The following KCNQ1 variants were observed in gnomAD, a reference collection of about 807,000 sequenced individuals.
KCNQ1 encodes the protein potassium voltage-gated channel subfamily KQT member 1.
Under a neutral mutation model 72.4 loss-of-function variants are expected in KCNQ1, and 49 were observed. The observed-to-expected ratio is 0.68, with a 90% CI of 0.54 to 0.86. The LOEUF is 0.86. KCNQ1 is among the 40% of genes least tolerant of loss of function. The pLI is 0.00. For synonymous variants in KCNQ1, 450 were observed against 412.6 expected, an observed-to-expected ratio of 1.09 and a Z score of -1.10; for missense variants, 790 against 945.1, an observed-to-expected ratio of 0.84 and a Z score of 2.15.
intron 10 of KCNQ1, chr11:2,628,579 C>A (rs527344082): frequency 7.5e-6 from 3 of 398,214 alleles, no homozygotes; most frequent in African/African-American, 6.2e-5. Flanking sequence ...TATTTTCTCC[C>A]GCTACATGTG....
chr11:2,662,905 G>A (rs1038645053), intron 11 of KCNQ1: 7 of 398,566 alleles, frequency 1.8e-5, no homozygotes, highest in Admixed American at 4.4e-5. Flanking sequence ...CTCTCTGGGG[G>A]TCAGGAGGTT....
chr11:2,554,670 C>T (rs1279628463), intron 2 of KCNQ1, among the ~76,000 whole-genome samples: 1 of 152,178 alleles, frequency 6.6e-6, no homozygotes, highest in Non-Finnish European at 1.5e-5. Context: ...CAGCTTTGCT[C>T]CCCAGGGAGG....
rs969713298 is a variant in KCNQ1 at position 2,815,807 on chromosome 11, C to A, written c.1795-31960C>A. ...GCCCCCAGCCCTTCCTGCTGGCCTCCCCAGAGCTCCAGGCTCTGAGGCCAC... is the reference window on the plus strand; with the variant it reads ...GCCCCCAGCCCTTCCTGCTGGCCTCACCAGAGCTCCAGGCTCTGAGGCCAC... On this transcript the variant is annotated intron_variant, in intron 15 of 15. Coordinates refer to ENST00000155840, the MANE Select transcript of KCNQ1 (RefSeq NM_000218.3). The surrounding 1 kb of genome is among the most constrained non-coding windows in gnomAD (Gnocchi z 5.4). Among the ~76,000 whole-genome samples, 13 of 152,302 alleles carry A rather than the reference C, an allele frequency of 8.5e-5. No homozygotes were observed. The highest frequency in any genetic ancestry group is 2.9e-4 in the African/African-American group (12 of 41,562).
Position 2,683,185 on chromosome 11 carries a change from C to T in KCNQ1, c.1514+21104C>T, listed in dbSNP as rs929082742. ...GTATTAGCATCTGCATTAAAAGGCT[C>T]CCACTGACAGCTCATGCATTGTGAT... On this transcript the variant is annotated intron_variant, in intron 11 of 15. Transcript: ENST00000155840. The surrounding 1 kb of genome is among the most constrained non-coding windows in gnomAD (Gnocchi z 4.7). The T allele has an allele frequency of 5.0e-6, 2 of 398,534 alleles. No individual in the cohort carries two copies. Among genetic ancestry groups the T allele is most frequent in the Admixed American group, 4.4e-5 (1 of 22,722 alleles). 24.7% of individuals were successfully genotyped at this position (398,534 alleles called of 1,614,324 possible).
chr11:2,742,403 C>T (rs933370908), intron 11 of KCNQ1, among the ~76,000 whole-genome samples: 8 of 152,352 alleles, frequency 5.3e-5, no homozygotes, highest in Middle Eastern at 3.4e-3. Context: ...CTCATACTCA[C>T]GGCCACCTGG....
chr11:2,738,921 G>A (rs960529437), intron 11 of KCNQ1, among the ~76,000 whole-genome samples: 5 of 152,220 alleles, frequency 3.3e-5, no homozygotes, highest in Middle Eastern at 3.2e-3. Flanking sequence ...GCGGCCAGGT[G>A]GGTGAGCGAG....
chr11:2,797,728 G>A (rs1477966850), intron 15 of KCNQ1, among the ~76,000 whole-genome samples: 1 of 152,050 alleles, frequency 6.6e-6, no homozygotes, highest in East Asian at 1.9e-4. Context: ...TCAGGTGTGC[G>A]GGACCTTTTT....
chr11:2,489,909 A>G (rs1846806632), intron 1 of KCNQ1, among the ~76,000 whole-genome samples: 1 of 152,180 alleles, frequency 6.6e-6, no homozygotes, highest in Admixed American at 6.5e-5. Flanking sequence ...AGATTCTGAA[A>G]TATACTGGCT....
chr11:2,667,159 A>G (rs1850090207), intron 11 of KCNQ1: 1 of 398,554 alleles, frequency 2.5e-6, no homozygotes, highest in Non-Finnish European at 4.4e-6. Flanking sequence ...GATGCCCTCA[A>G]TCTGGCTTCC....
intron 10 of KCNQ1, chr11:2,638,312 C>G (rs568705797): frequency 6.6e-6 from 1 of 152,276 alleles, no homozygotes; most frequent in South Asian, 2.1e-4. Context: ...GTGGCTGGTA[C>G]CAATTGTTCC....
At chr11:2,847,655 G>A (rs939464793) in intron 15 of KCNQ1, 112 bp from the exon 16 acceptor site, 2 of 1,000,944 alleles carry the variant, frequency 2.0e-6, no homozygotes, top group East Asian at 2.6e-5. Context: ...GCATGCACTT[G>A]CAGAGACGGT....
chr11:2,715,535 G>C lies in KCNQ1; in HGVS notation c.1515-53309G>C, dbSNP rs1851078505. Among the ~76,000 whole-genome samples, 1 of 152,080 alleles carries C rather than the reference G, an allele frequency of 6.6e-6. No individual in the cohort carries two copies. The highest frequency in any genetic ancestry group is 6.5e-5 in the Admixed American group (1 of 15,276). On this transcript the variant is annotated intron_variant, in intron 11 of 15. Coordinates refer to ENST00000155840, the MANE Select transcript of KCNQ1 (RefSeq NM_000218.3). This position sits in a 1 kb window ranked among gnomAD's most constrained non-coding sequence, Gnocchi z 4.9. ...GCCAGGTAGACTTCGTTTCCAGCCGGAGTGTACCTGGGGATGCCTGTGCCC... is the reference window on the plus strand; with the variant it reads ...GCCAGGTAGACTTCGTTTCCAGCCGCAGTGTACCTGGGGATGCCTGTGCCC...
At chr11:2,514,223 G>C (rs746583021) in intron 1 of KCNQ1, among the ~76,000 whole-genome samples, 1 of 152,224 alleles carries the variant, frequency 6.6e-6, no homozygotes, top group African/African-American at 2.4e-5. Flanking sequence ...GCGCATTTCC[G>C]TGCAGGACAC....
rs895597298 is a variant in KCNQ1 at position 2,482,611 on chromosome 11, C to T, written c.386+37127C>T. ...CGGGAGTGTTTTCCTAATTTAGCTT[C>T]CTACTGTGCTGCTGGACATCACTGA... On this transcript the variant is annotated intron_variant, in intron 1 of 15. Transcript: ENST00000155840. The surrounding 1 kb of genome is among the most constrained non-coding windows in gnomAD (Gnocchi z 5.7). 3.3e-5 allele frequency among the ~76,000 whole-genome samples: 5 copies of T among 152,118 alleles called. No individual in the cohort carries two copies. Among genetic ancestry groups the T allele is most frequent in the African/African-American group, 1.2e-4 (5 of 41,422 alleles).
chr11:2,641,209 A>G (rs543759595), intron 10 of KCNQ1: 6 of 398,444 alleles, frequency 1.5e-5, no homozygotes, highest in East Asian at 1.1e-4. Flanking sequence ...GGATTATGTC[A>G]TATTTCTCTT....
At chr11:2,637,601 C>T (rs1849495339) in intron 10 of KCNQ1, 3 of 152,126 alleles carry the variant, frequency 2.0e-5, no homozygotes, top group African/African-American at 7.2e-5. Flanking sequence ...GCTTTACTTC[C>T]AATTATGTGG....
intron 11 of KCNQ1, chr11:2,684,822 C>T: frequency 2.5e-6 from 1 of 398,652 alleles, no homozygotes; most frequent in Non-Finnish European, 4.4e-6. Flanking sequence ...TTGAGGTCTC[C>T]TAGTCAAGGC....
chr11:2,563,619 C>G lies in KCNQ1; in HGVS notation c.478-7009C>G, dbSNP rs1275187617. 6.6e-6 allele frequency among the ~76,000 whole-genome samples: 1 copy of G among 152,230 alleles called. No individual in the cohort carries two copies. The highest frequency in any genetic ancestry group is 1.9e-4 in the East Asian group (1 of 5,196). ...AAGATTTCAGTACCAATAGCGAAGCCGTCAGTGGCAGTGACTGTGCCTTAG... is the reference window on the plus strand; with the variant it reads ...AAGATTTCAGTACCAATAGCGAAGCGGTCAGTGGCAGTGACTGTGCCTTAG... On this transcript the variant is annotated intron_variant, in intron 2 of 15. Transcript: ENST00000155840. This position sits in a 1 kb window ranked among gnomAD's most constrained non-coding sequence, Gnocchi z 7.4.
Position 2,828,917 on chromosome 11 carries a change from G to T in KCNQ1, c.1795-18850G>T, listed in dbSNP as rs188461252. On this transcript the variant is annotated intron_variant, in intron 15 of 15. Coordinates refer to ENST00000155840, the MANE Select transcript of KCNQ1 (RefSeq NM_000218.3). The surrounding 1 kb of genome is among the most constrained non-coding windows in gnomAD (Gnocchi z 5.3). ...ACACAAGAGAATAGAAAATCAAAAC[G>T]GTATCCAATTTCTTAACAGCAATTC... 1.4e-4 allele frequency among the ~76,000 whole-genome samples: 21 copies of T among 152,232 alleles called. No individual in the cohort carries two copies. The highest frequency in any genetic ancestry group is 2.1e-4 in the Non-Finnish European group (14 of 68,036).
Sources: allele counts gnomAD v4.1 joint callset (sites outside exome capture counted in the v4.1 genomes callset), GRCh38; gene constraint gnomAD v4.1.1; non-coding constraint Gnocchi (gnomAD v3.1); transcripts MANE v1.5; gene names NCBI Gene and HGNC (gene_info 2026-07-23, HGNC 2026-07-21).